Variants in PDZD2 observed in about 807,000 individuals in gnomAD.
PDZD2 encodes the protein PDZ domain containing 2, also known as PDZ domain-containing protein 2.
PDZD2 carries 90 observed loss-of-function variants against 220.7 expected under a neutral mutation model. The observed-to-expected ratio is 0.41, with a 90% confidence interval of 0.34 to 0.49. PDZD2 has a LOEUF of 0.49. Ranked by LOEUF, PDZD2 falls within the 20% of genes least tolerant of loss-of-function variation. The pLI, the probability that PDZD2 is intolerant of heterozygous loss-of-function variation, is 0.28. For synonymous variants in PDZD2, 1,375 were observed against 1,450.5 expected (o/e 0.95, Z 1.18); for missense variants, 3,174 against 3,608.5 (o/e 0.88, Z 3.08).
At chr5:32,072,959 T>G (rs1025997069) in intron 17 of PDZD2, among the ~76,000 whole-genome samples, 2 of 152,136 alleles carry the variant, frequency 1.3e-5, no homozygotes, top group Non-Finnish European at 2.9e-5. Flanking sequence ...CTAGCTTCAT[T>G]CTTTGTAGAA....
At chr5:31,854,897 C>A in intron 2 of PDZD2, 1 of 843,068 alleles carries the variant, frequency 1.2e-6, no homozygotes, top group Non-Finnish European at 1.4e-6. Flanking sequence ...ACCTCCTCCA[C>A]CGCGGCGCGG....
chr5:31,933,950 G>T (rs1046350797), intron 2 of PDZD2, among the ~76,000 whole-genome samples: 1 of 152,158 alleles, frequency 6.6e-6, no homozygotes, highest in Admixed American at 6.5e-5. Context: ...CTGAATTCTG[G>T]TGTATGCTAC....
intron 2 of PDZD2, among the ~76,000 whole-genome samples, chr5:31,838,144 G>A (rs917929975): frequency 6.6e-5 from 10 of 152,068 alleles, no homozygotes; most frequent in African/African-American, 1.9e-4. Context: ...TGTAACCTCC[G>A]CCTCCAGGGT....
intron 1 of PDZD2, among the ~76,000 whole-genome samples, chr5:31,777,409 G>A (rs1324689057): frequency 6.6e-6 from 1 of 152,050 alleles, no homozygotes; most frequent in Non-Finnish European, 1.5e-5. Flanking sequence ...CCCACCCCGT[G>A]GGCTCCCACG....
intron 2 of PDZD2, among the ~76,000 whole-genome samples, chr5:31,981,095 G>A (rs1258310899): frequency 6.6e-6 from 1 of 152,084 alleles, no homozygotes; most frequent in African/African-American, 2.4e-5. Flanking sequence ...CTAGTGGATG[G>A]TCTTAATGCC....
Position 32,057,881 on chromosome 5 carries a change from A to G in PDZD2, c.1978A>G (p.Ile660Val). 1 of 1,611,020 alleles carries G rather than the reference A, an allele frequency of 6.2e-7. No individual in the cohort carries two copies. ...FQEAIHTFKQ[I>V]RSGLFVLTVR... ...CCTTTCCTCACTGTTTTCTCAGCAA[A>G]TCCGGAGTGGATTATTTGTTTTAAC... Residue 660 changes from isoleucine (I) to valine (V), a missense_variant, in exon 12 of 25, where the codon ATC becomes GTC. Physicochemically the swap from Ile to Val is conservative, Grantham distance 29. Coordinates refer to ENST00000438447, the MANE Select transcript of PDZD2 (RefSeq NM_178140.4).
rs781364036 is a variant in PDZD2 at position 32,087,521 on chromosome 5, A to G, written c.4073A>G (p.His1358Arg). The G allele has an allele frequency of 1.9e-5, 31 of 1,613,178 alleles. No homozygotes were observed. The Admixed American group carries it at 5.0e-4, about 26-fold the overall frequency. Residue 1358 changes from histidine to arginine, a missense_variant, in exon 20 of 25, where the codon CAC becomes CGC. His to Arg is a conservative substitution (Grantham distance 29). Around this residue, in one of 4 missense-constraint regions of PDZD2, gnomAD observed 1,861 missense variants for 2,001.0 expected, o/e 0.93. Coordinates refer to ENST00000438447, the MANE Select transcript of PDZD2 (RefSeq NM_178140.4). The surrounding 1 kb of genome is among the most constrained non-coding windows in gnomAD (Gnocchi z 4.0). Reference sequence around the variant, plus strand: ...CAGAGACAGGGAGCTCCAGGTAACCACAGTAAGGCTCTGGAAATGACAGGA... The same window carrying G: ...CAGAGACAGGGAGCTCCAGGTAACCGCAGTAAGGCTCTGGAAATGACAGGA... ...QEQRQGAPGN[H>R]SKALEMTGIH... is the part of the protein sequence containing the mutation.
rs535031298 is a variant in PDZD2, at chr5:31,982,891, AC to A, written c.477-263del. Among the ~76,000 whole-genome samples the A allele has an allele frequency of 1.3e-4, 19 of 151,846 alleles. No individual in the cohort carries two copies. In the East Asian group the frequency reaches 3.3e-3, roughly 26 times the overall value. ...CTGTTCCTAGAAAAATCCTTCTCCA[AC>A]TCCTGATCCTACGGTACTTAAATTA... is the stretch of plus-strand genomic sequence containing the variant. On this transcript the variant is annotated intron_variant, in intron 2 of 24. Transcript: ENST00000438447.
At chr5:31,908,269 G>T (rs185862445) in intron 2 of PDZD2, 26 of 206,870 alleles carry the variant, frequency 1.3e-4, no homozygotes, top group African/African-American at 5.8e-4. Flanking sequence ...GCAAGGCCCC[G>T]CCCCCGCTCC....
intron 6 of PDZD2, among the ~76,000 whole-genome samples, chr5:32,030,713 C>G (rs990961412): frequency 6.6e-6 from 1 of 152,142 alleles, no homozygotes; most frequent in Non-Finnish European, 1.5e-5. Context: ...ATCCATTGTT[C>G]AAATGCATGC....
intron 2 of PDZD2, among the ~76,000 whole-genome samples, chr5:31,926,012 A>G (rs1744722332): frequency 1.3e-5 from 2 of 152,256 alleles, no homozygotes; most frequent in Non-Finnish European, 2.9e-5. Flanking sequence ...TGAGGCCAAG[A>G]GTTCAAGACC....
chr5:31,744,424 C>G (rs1408530329), intron 1 of PDZD2: 2 of 151,812 alleles, frequency 1.3e-5, no homozygotes, highest in African/African-American at 4.8e-5. Context: ...CAGCTGGTAT[C>G]CAAGAGAGGG....
At chr5:31,649,066 T>TG (rs1331160808) in intron 1 of PDZD2, among the ~76,000 whole-genome samples, 2 of 152,088 alleles carry the variant, frequency 1.3e-5, no homozygotes, top group Non-Finnish European at 2.9e-5. Flanking sequence ...TTTTAAGAGA[T>TG]GGGGTCTCAC....
intron 2 of PDZD2, among the ~76,000 whole-genome samples, chr5:31,946,421 C>T (rs11746514): frequency 0.28 from 41,979 of 152,068 alleles, 6,278 homozygotes; most frequent in Middle Eastern, 0.45. Context: ...TCAGGAAATA[C>T]AGATTGTTGG....
intron 1 of PDZD2, among the ~76,000 whole-genome samples, chr5:31,683,608 C>A (rs1746736035): frequency 6.6e-6 from 1 of 152,124 alleles, no homozygotes; most frequent in African/African-American, 2.4e-5. Context: ...ACATAACGTG[C>A]CTGGGAGATA....
chr5:32,073,608 G>A (rs533601559), intron 17 of PDZD2, among the ~76,000 whole-genome samples: 97 of 119,278 alleles, frequency 8.1e-4, no homozygotes, highest in Non-Finnish European at 9.8e-4. Context: ...AGAAAAGGGC[G>A]GGGGGGGTAG....
At chr5:31,995,531 G>A in intron 3 of PDZD2, 45 bp from the exon 4 acceptor site, 1 of 1,611,990 alleles carries the variant, frequency 6.2e-7, no homozygotes, top group Non-Finnish European at 8.5e-7. Context: ...TCAATGCCGT[G>A]TGTCTGTCAA....
In PDZD2 at chr5:31,849,925, TATATATACAC is replaced by T. The variant is rs1328726820; in HGVS notation, c.476+50209_476+50218del. 4.3e-4 allele frequency among the ~76,000 whole-genome samples: 13 copies of T among 29,888 alleles called. 1 individual carries two copies. The highest frequency in any genetic ancestry group is 2.7e-3 in the African/African-American group (13 of 4,866). 19.6% of individuals were successfully genotyped at this position (29,888 alleles called of 152,430 possible). On this transcript the variant is annotated intron_variant, in intron 2 of 24. Coordinates refer to ENST00000438447, the MANE Select transcript of PDZD2 (RefSeq NM_178140.4). ...ATATACATATATATATATACATATA[TATATATACAC>T]ATATATATATATACATATATATATA...
intron 1 of PDZD2, among the ~76,000 whole-genome samples, chr5:31,681,927 A>G (rs1746664827): frequency 6.6e-6 from 1 of 152,230 alleles, no homozygotes; most frequent in South Asian, 2.1e-4. Context: ...GTTTACTCCA[A>G]CTAAATATAT....
Sources: allele counts gnomAD v4.1 joint callset (sites outside exome capture counted in the v4.1 genomes callset), GRCh38; gene constraint gnomAD v4.1.1; regional missense constraint gnomAD v4.1.1; non-coding constraint Gnocchi (gnomAD v3.1); transcripts MANE v1.5; gene names NCBI Gene and HGNC (gene_info 2026-07-23, HGNC 2026-07-21).